Variants in ZCCHC4 observed in about 807,000 individuals in gnomAD.
The protein encoded by ZCCHC4 is rRNA N(6)-adenosine-methyltransferase ZCCHC4.
In ZCCHC4, 54 loss-of-function variants were observed where a neutral mutation model predicts 67.7. That is an observed-to-expected ratio of 0.80 (90% confidence interval 0.64 to 1.00). The LOEUF (loss-of-function observed/expected upper bound fraction) is 1.00. ZCCHC4 is among the 50% of genes least tolerant of loss of function. The pLI is 0.00. For missense variants in ZCCHC4, 609 were observed against 617.0 expected, an observed-to-expected ratio of 0.99 and a Z score of 0.14; for synonymous variants, 198 against 213.5, an observed-to-expected ratio of 0.93 and a Z score of 0.63.
In ZCCHC4 at chr4:25,313,225, G is replaced by A. The variant is rs184439576; in HGVS notation, c.127+289G>A. Among the ~76,000 whole-genome samples the A allele has an allele frequency of 8.5e-5, 13 of 152,312 alleles. No homozygotes were observed. The East Asian group carries it at 2.3e-3, about 27-fold the overall frequency. On this transcript the variant is annotated intron_variant, in intron 1 of 12. Transcript: ENST00000302874. ...TGCATGGTATTGAATAGTTCTCGTT[G>A]ACAAGTACTTGGGGATTTCATTTGT...
rs370016797 is a variant in ZCCHC4, at chr4:25,361,783, C to T, written c.1012-76C>T. 5.4e-5 allele frequency: 76 copies of T among 1,402,778 alleles called. No homozygotes were observed. In the African/African-American group the frequency reaches 7.3e-4, roughly 14 times the overall value. The allele number at this position is 1,402,778 out of a possible 1,614,324, so 86.9% of individuals were successfully genotyped here. ...ACTCATATATTGGCATCAGTTTGTTCGTTTATTGGTTAAAGAATCTTAATG... is the reference window on the plus strand; with the variant it reads ...ACTCATATATTGGCATCAGTTTGTTTGTTTATTGGTTAAAGAATCTTAATG... On this transcript the variant is annotated intron_variant, in intron 8 of 12. Coordinates refer to ENST00000302874, the MANE Select transcript of ZCCHC4 (RefSeq NM_024936.3).
In ZCCHC4 at chr4:25,361,279, G is replaced by A. The variant is rs561812836; in HGVS notation, c.1012-580G>A. On this transcript the variant is annotated intron_variant, in intron 8 of 12. Transcript: ENST00000302874. ...TGGAGCTGTTGCTTTCTGTGTTGTTGTGTGTTATGAATTCAGGGCTCCACC... is the reference window on the plus strand; with the variant it reads ...TGGAGCTGTTGCTTTCTGTGTTGTTATGTGTTATGAATTCAGGGCTCCACC... 2.0e-5 allele frequency among the ~76,000 whole-genome samples: 3 copies of A among 152,346 alleles called. No homozygotes were observed. In the South Asian group the frequency reaches 6.2e-4, roughly 32 times the overall value.
At position 25,351,632 on chromosome 4, in the gene ZCCHC4, T is replaced by C. The variant is rs761737766; in HGVS notation, c.954T>C (p.Tyr318=). 3 of 1,610,068 alleles carry C rather than the reference T, an allele frequency of 1.9e-6. No homozygotes were observed. Among genetic ancestry groups the C allele is most frequent in the African/African-American group, 2.7e-5 (2 of 74,812 alleles). The part of the protein sequence containing the change: ...KELPIFWIFP[Y]FFESRICQFF... ...TACCCATTTTCTGGATTTTCCCCTA[T>C]TTTTTTGAATCCCGAATTTGTCAGT... Residue 318 remains tyrosine (Y), a synonymous_variant, in exon 8 of 13, where the codon TAT becomes TAC. Transcript: ENST00000302874.
At chr4:25,349,385 A>G in intron 6 of ZCCHC4, 107 bp from the exon 7 acceptor site, 1 of 1,084,424 alleles carries the variant, frequency 9.2e-7, no homozygotes, top group South Asian at 1.7e-5. Context: ...TGACTTGGTA[A>G]AGTTTCCAGT....
Position 25,318,216 on chromosome 4 carries a change from G to A in ZCCHC4, c.329+2816G>A, listed in dbSNP as rs529867026. 3.4e-4 allele frequency among the ~76,000 whole-genome samples: 51 copies of A among 151,596 alleles called. 1 individual carries two copies. The highest frequency in any genetic ancestry group is 6.5e-4 in the Non-Finnish European group (44 of 67,950). On this transcript the variant is annotated intron_variant, in intron 3 of 12. Transcript: ENST00000302874. ...TGTCCTTAACACTTTTATCTGATAA[G>A]CATGTTTCTGTTAGAAGGATATTGG...
At chr4:25,351,715 C>T (rs1452727173) in intron 8 of ZCCHC4, 26 bp downstream of exon 8, 5 of 1,549,132 alleles carry the variant, frequency 3.2e-6, no homozygotes, top group Non-Finnish European at 4.4e-6. Context: ...TGTTTTCTGG[C>T]ATGGTTGGGG....
At position 25,351,671 on chromosome 4, in the gene ZCCHC4, C is replaced by T. The variant is rs1357894468; in HGVS notation, c.993C>T (p.Phe331=). ...ESRICQFFPS[F]QMLDYQVDYD... is the part of the protein sequence containing the mutation. ...GAATTTGTCAGTTTTTTCCAAGCTTCCAGATGCTGGATTACCAGGTAGAGT... is the reference window on the plus strand; with the variant it reads ...GAATTTGTCAGTTTTTTCCAAGCTTTCAGATGCTGGATTACCAGGTAGAGT... The change falls in exon 8 of 13, where the codon TTC becomes TTT. Residue 331 remains phenylalanine (F), a synonymous_variant. Coordinates refer to ENST00000302874, the MANE Select transcript of ZCCHC4 (RefSeq NM_024936.3). 6.2e-7 allele frequency: 1 copy of T among 1,611,314 alleles called. No homozygotes were observed. The highest frequency in any genetic ancestry group is 2.2e-5 in the East Asian group (1 of 44,766).
At chr4:25,313,661 G>A (rs1718079020) in intron 1 of ZCCHC4, among the ~76,000 whole-genome samples, 2 of 152,122 alleles carry the variant, frequency 1.3e-5, no homozygotes, top group Admixed American at 6.5e-5. Context: ...GATCGCTTGA[G>A]CCCAGGAGTT....
chr4:25,334,198 C>G (rs1716888935), intron 5 of ZCCHC4, among the ~76,000 whole-genome samples: 1 of 152,144 alleles, frequency 6.6e-6, no homozygotes, highest in Admixed American at 6.5e-5. Flanking sequence ...TGCTGGTGGG[C>G]TTCCTAGATT....
intron 5 of ZCCHC4, among the ~76,000 whole-genome samples, chr4:25,344,941 CG>C (rs1719934145): frequency 6.6e-6 from 1 of 151,720 alleles, no homozygotes; most frequent in African/African-American, 2.4e-5. Context: ...TAGCTGGGAC[CG>C]TAGGCATGCA....
At chr4:25,319,530 G>T (rs1718466636) in intron 3 of ZCCHC4, among the ~76,000 whole-genome samples, 1 of 152,146 alleles carries the variant, frequency 6.6e-6, no homozygotes, top group Non-Finnish European at 1.5e-5. Flanking sequence ...TAATATCATT[G>T]ATTTCACTGT....
At chr4:25,335,746 T>G (rs918926446) in intron 5 of ZCCHC4, among the ~76,000 whole-genome samples, 13 of 152,088 alleles carry the variant, frequency 8.5e-5, no homozygotes, top group African/African-American at 3.1e-4. Flanking sequence ...CACAACAGAG[T>G]GAGACCCCTG....
rs758186304 is a variant in ZCCHC4 at position 25,349,584 on chromosome 4, A to C, written c.852A>C (p.Glu284Asp). The C allele has an allele frequency of 5.3e-5, 86 of 1,613,776 alleles. No individual in the cohort carries two copies. The highest frequency in any genetic ancestry group is 6.8e-5 in the Non-Finnish European group (80 of 1,179,900). ...ATCCTCCGTTTGGTGGCTTGGTTGA[A>C]CCTCTGGCTATTACATTCAAGAAGT... ...VTDPPFGGLV[E>D]PLAITFKKLI... Residue 284 changes from glutamate (E) to aspartate (D), a missense_variant, in exon 7 of 13, where the codon GAA (glutamate) becomes GAC (aspartate). Transcript: ENST00000302874.
chr4:25,343,512 T>C (rs1719850958), intron 5 of ZCCHC4, among the ~76,000 whole-genome samples: 1 of 152,258 alleles, frequency 6.6e-6, no homozygotes, highest in African/African-American at 2.4e-5. Context: ...GTATATGCTA[T>C]GTAGCTGGCA....
chr4:25,320,585 G>A (rs924280119), intron 3 of ZCCHC4, among the ~76,000 whole-genome samples: 1 of 152,212 alleles, frequency 6.6e-6, no homozygotes, highest in Non-Finnish European at 1.5e-5. Flanking sequence ...ATACGAATAA[G>A]GGGGGAAAGC....
chr4:25,340,314 A>G (rs1487631641), intron 5 of ZCCHC4, among the ~76,000 whole-genome samples: 1 of 152,146 alleles, frequency 6.6e-6, no homozygotes, highest in Non-Finnish European at 1.5e-5. Context: ...CCACAAATAT[A>G]TAGGTTTATT....
At chr4:25,344,592 C>T (rs1719910372) in intron 5 of ZCCHC4, among the ~76,000 whole-genome samples, 1 of 150,682 alleles carries the variant, frequency 6.6e-6, no homozygotes, top group Non-Finnish European at 1.5e-5. Flanking sequence ...TGCACATGTA[C>T]CCTAAAACTT....
intron 8 of ZCCHC4, among the ~76,000 whole-genome samples, chr4:25,354,730 T>G (rs191876045): frequency 6.6e-6 from 1 of 152,238 alleles, no homozygotes; most frequent in East Asian, 1.9e-4. Flanking sequence ...ACTCCTGGGC[T>G]GAAGCGAGCC....
Position 25,346,392 on chromosome 4 carries a change from A to G in ZCCHC4, c.759+772A>G, listed in dbSNP as rs187166369. ...AAAATCTGTAACCAACCAAGTAATC[A>G]CGCTGGCCAAAAATATTGTGAAATT... On this transcript the variant is annotated intron_variant, in intron 6 of 12. Coordinates refer to ENST00000302874, the MANE Select transcript of ZCCHC4 (RefSeq NM_024936.3). Among the ~76,000 whole-genome samples, 707 of 152,304 alleles carry G rather than the reference A, an allele frequency of 4.6e-3. 3 individuals carry two copies. The highest frequency in any genetic ancestry group is 0.017 in the Middle Eastern group (5 of 294).
Sources: gnomAD v4.1 joint callset for allele counts (sites outside exome capture counted in the v4.1 genomes callset) on GRCh38, gnomAD v4.1.1 for gene constraint, MANE v1.5 for transcripts, NCBI Gene and HGNC (gene_info 2026-07-23, HGNC 2026-07-21) for gene names.